The following GRM1 variants were observed in gnomAD, a reference collection of about 807,000 sequenced individuals.
GRM1 encodes glutamate metabotropic receptor 1, also known as metabotropic glutamate receptor 1.
In GRM1, 33 loss-of-function variants were observed where a neutral mutation model predicts 90.9. That is an observed-to-expected ratio of 0.36 (90% CI 0.28 to 0.49). The LOEUF is 0.49. Among genes scored for constraint, GRM1 ranks in the 20% least tolerant of loss-of-function variants. The pLI, the probability that GRM1 is intolerant of heterozygous loss-of-function variation, is 0.99. For synonymous variants in GRM1, 700 were observed against 613.2 expected (o/e 1.14, Z -2.09); for missense variants, 1,190 against 1,534.3 (o/e 0.78, Z 3.75).
At chr6:146,091,715 A>G (rs1203622625) in intron 1 of GRM1, among the ~76,000 whole-genome samples, 2 of 152,212 alleles carry the variant, frequency 1.3e-5, no homozygotes, top group East Asian at 3.9e-4. Context: ...TTAAATGTAG[A>G]TATGGGACTC....
chr6:146,238,661 A>T (rs1176394728), intron 2 of GRM1, among the ~76,000 whole-genome samples: 1 of 152,026 alleles, frequency 6.6e-6, no homozygotes, highest in African/African-American at 2.4e-5. Context: ...TCCTGTTGGG[A>T]GGTGTAACTT....
chr6:146,190,842 T>G (rs1778913112), intron 2 of GRM1, among the ~76,000 whole-genome samples: 1 of 152,188 alleles, frequency 6.6e-6, no homozygotes, highest in Non-Finnish European at 1.5e-5. Flanking sequence ...CCAATCTTGT[T>G]TGTATTCCCA....
chr6:146,243,136 T>G (rs1460537836), intron 2 of GRM1, among the ~76,000 whole-genome samples: 1 of 152,158 alleles, frequency 6.6e-6, no homozygotes, highest in Non-Finnish European at 1.5e-5. Flanking sequence ...AGCCATGAAT[T>G]TATATTAGTG....
chr6:146,229,227 G>T (rs891230975), intron 2 of GRM1, among the ~76,000 whole-genome samples: 1 of 151,482 alleles, frequency 6.6e-6, no homozygotes, highest in Non-Finnish European at 1.5e-5. Context: ...CAGGTGATCC[G>T]CCTGCCTCAG....
At chr6:146,054,838 G>A (rs1160287108) in intron 1 of GRM1, among the ~76,000 whole-genome samples, 2 of 152,030 alleles carry the variant, frequency 1.3e-5, no homozygotes, top group Admixed American at 6.6e-5. Flanking sequence ...AAAAACTAGG[G>A]ATTTTAAGGA....
chr6:146,032,513 A>G (rs1254662728), intron 1 of GRM1, among the ~76,000 whole-genome samples: 1 of 152,106 alleles, frequency 6.6e-6, no homozygotes, highest in East Asian at 1.9e-4. Flanking sequence ...CCCATAGTGT[A>G]CTGGCCTACA....
intron 3 of GRM1, among the ~76,000 whole-genome samples, chr6:146,309,560 A>G (rs1350674199): frequency 6.6e-6 from 1 of 152,088 alleles, no homozygotes; most frequent in Non-Finnish European, 1.5e-5. Flanking sequence ...TCAGGATTAT[A>G]TTTTACATAG....
intron 2 of GRM1, among the ~76,000 whole-genome samples, chr6:146,172,843 G>A (rs759151927): frequency 3.9e-5 from 6 of 152,178 alleles, no homozygotes; most frequent in Admixed American, 6.5e-5. Context: ...ATTGAAAAAT[G>A]TATAACACTT....
At chr6:146,269,966 TAA>T (rs56387936) in intron 2 of GRM1, among the ~76,000 whole-genome samples, 1,878 of 138,672 alleles carry the variant, frequency 0.014, 35 homozygotes, top group African/African-American at 0.046. Flanking sequence ...AATGTTTAAA[TAA>T]AAAAAAAAAA....
At chr6:146,301,923 T>C (rs1783398426) in intron 2 of GRM1, among the ~76,000 whole-genome samples, 2 of 152,164 alleles carry the variant, frequency 1.3e-5, no homozygotes, top group South Asian at 4.2e-4. Flanking sequence ...ACTAGAACAA[T>C]AGGCAGGTCA....
intron 1 of GRM1, among the ~76,000 whole-genome samples, chr6:146,070,066 G>A (rs1253723659): frequency 1.3e-5 from 2 of 152,098 alleles, no homozygotes; most frequent in Non-Finnish European, 2.9e-5. Context: ...TTTGGCTTTG[G>A]AGAAACCAAA....
chr6:146,086,554 A>G (rs1385549204), intron 1 of GRM1, among the ~76,000 whole-genome samples: 4 of 151,944 alleles, frequency 2.6e-5, no homozygotes, highest in African/African-American at 7.3e-5. Flanking sequence ...TCTTTCCTGG[A>G]TAGGATATAA....
chr6:146,070,450 G>T (rs941367147), intron 1 of GRM1, among the ~76,000 whole-genome samples: 1 of 152,098 alleles, frequency 6.6e-6, no homozygotes, highest in African/African-American at 2.4e-5. Flanking sequence ...AGACTTGTAA[G>T]CAGAGATGCT....
intron 2 of GRM1, among the ~76,000 whole-genome samples, chr6:146,167,660 G>A (rs950381755): frequency 3.9e-5 from 6 of 152,056 alleles, no homozygotes; most frequent in South Asian, 4.2e-4. Flanking sequence ...GCATTTTTAT[G>A]TACTTATCTG....
intron 2 of GRM1, among the ~76,000 whole-genome samples, chr6:146,220,866 A>G (rs969004130): frequency 6.6e-6 from 1 of 152,050 alleles, no homozygotes; most frequent in Non-Finnish European, 1.5e-5. Flanking sequence ...TCAGAAATGC[A>G]TGACCAGGCA....
At chr6:146,228,774 G>A (rs1486843889) in intron 2 of GRM1, among the ~76,000 whole-genome samples, 1 of 152,138 alleles carries the variant, frequency 6.6e-6, no homozygotes, top group African/African-American at 2.4e-5. Context: ...CCTCGCATAT[G>A]AACTATTGAT....
intron 1 of GRM1, among the ~76,000 whole-genome samples, chr6:146,096,696 A>G (rs1125462): frequency 0.48 from 73,267 of 151,906 alleles, 18,068 homozygotes; most frequent in Middle Eastern, 0.57. Context: ...GAGTGATATT[A>G]GATGGGTGCT....
chr6:146,072,985 A>G (rs906688233), intron 1 of GRM1, among the ~76,000 whole-genome samples: 1 of 152,138 alleles, frequency 6.6e-6, no homozygotes, highest in African/African-American at 2.4e-5. Context: ...GGCCACCTGA[A>G]TATGTATACT....
At chr6:146,119,754 T>C (rs1355367806) in intron 1 of GRM1, among the ~76,000 whole-genome samples, 4 of 152,206 alleles carry the variant, frequency 2.6e-5, no homozygotes, top group African/African-American at 4.8e-5. Flanking sequence ...TGGTTGTAGA[T>C]ATGCGGCATT....
Sources: gnomAD v4.1 joint callset for allele counts (sites outside exome capture counted in the v4.1 genomes callset) on GRCh38, gnomAD v4.1.1 for gene constraint, MANE v1.5 for transcripts, NCBI Gene and HGNC (gene_info 2026-07-23, HGNC 2026-07-21) for gene names.